Variants in MMP26 observed in about 807,000 individuals in gnomAD.
MMP26 encodes the protein matrix metallopeptidase 26.
A neutral mutation model predicts 31.0 loss-of-function variants in MMP26; 33 were observed. The observed-to-expected ratio is 1.06, with a 90% CI of 0.81 to 1.42. The LOEUF is 1.42. Ranked by LOEUF, MMP26 falls within the 40% of genes most tolerant of loss-of-function variation. The pLI, the probability that MMP26 is intolerant of heterozygous loss-of-function variation, is 0.00. For missense variants in MMP26, 347 were observed against 316.1 expected, an observed-to-expected ratio of 1.10 and a Z score of -0.74; for synonymous variants, 122 against 114.9, an observed-to-expected ratio of 1.06 and a Z score of -0.40.
chr11:4,816,587 A>T (rs941569212), intron 2 of MMP26, among the ~76,000 whole-genome samples: 1 of 151,570 alleles, frequency 6.6e-6, no homozygotes, highest in African/African-American at 2.4e-5. Context: ...ACAACATAAA[A>T]GTTCTTCCAG....
At chr11:4,753,566 A>G (rs996212762) in intron 1 of MMP26, among the ~76,000 whole-genome samples, 6 of 151,880 alleles carry the variant, frequency 4.0e-5, no homozygotes, top group African/African-American at 1.5e-4. Context: ...TTGTCACTTG[A>G]TTTTCCTTTA....
chr11:4,740,128 A>T (rs747582298), intron 1 of MMP26, among the ~76,000 whole-genome samples: 2 of 152,126 alleles, frequency 1.3e-5, no homozygotes, highest in Admixed American at 6.6e-5. Context: ...TCAGTTTATC[A>T]TTCAGTTTCC....
intron 2 of MMP26, chr11:4,915,368 T>C (rs777750855): frequency 3.1e-6 from 5 of 1,613,998 alleles, no homozygotes; most frequent in Non-Finnish European, 4.2e-6. Context: ...GCAGGCATCA[T>C]GGCTAATTTC....
chr11:4,979,587 G>A (rs998675130), intron 2 of MMP26, among the ~76,000 whole-genome samples: 4 of 152,222 alleles, frequency 2.6e-5, no homozygotes, highest in East Asian at 3.9e-4. Flanking sequence ...GCCTCCAAAT[G>A]TCTGGGGCTA....
chr11:4,864,273 A>T (rs920142497), intron 2 of MMP26, among the ~76,000 whole-genome samples: 5 of 152,130 alleles, frequency 3.3e-5, no homozygotes, highest in African/African-American at 1.2e-4. Context: ...CTCTGTAAGG[A>T]TGTTTTGCAT....
intron 2 of MMP26, among the ~76,000 whole-genome samples, chr11:4,784,402 A>T (rs1848906952): frequency 6.6e-6 from 1 of 152,200 alleles, no homozygotes; most frequent in Admixed American, 6.5e-5. Context: ...AATCTTTGGT[A>T]CCTGTGAATA....
At chr11:4,842,311 G>A (rs1849807417) in intron 2 of MMP26, among the ~76,000 whole-genome samples, 1 of 152,132 alleles carries the variant, frequency 6.6e-6, no homozygotes, top group African/African-American at 2.4e-5. Context: ...AAAGCCTCAT[G>A]GTATATTAGT....
chr11:4,795,081 A>G (rs1303342979), intron 2 of MMP26: 1 of 152,232 alleles, frequency 6.6e-6, no homozygotes, highest in African/African-American at 2.4e-5. Flanking sequence ...CAATAAAAGG[A>G]TAATGTCTTA....
chr11:4,987,612 G>T (rs151152779), intron 2 of MMP26, among the ~76,000 whole-genome samples: 5 of 151,802 alleles, frequency 3.3e-5, no homozygotes, highest in Admixed American at 1.3e-4. Flanking sequence ...TAGAGACGGG[G>T]TTTCACCGTG....
chr11:4,741,613 A>G (rs1589888335), intron 1 of MMP26, among the ~76,000 whole-genome samples: 1 of 139,832 alleles, frequency 7.2e-6, no homozygotes, highest in Non-Finnish European at 1.6e-5. Context: ...ACACATGGAC[A>G]CAGGGAGGGG....
chr11:4,773,961 A>G (rs1229328559), intron 2 of MMP26, among the ~76,000 whole-genome samples: 3 of 152,166 alleles, frequency 2.0e-5, no homozygotes, highest in Non-Finnish European at 4.4e-5. Flanking sequence ...CCTGAAAAGA[A>G]CATGATCTCA....
intron 2 of MMP26, among the ~76,000 whole-genome samples, chr11:4,831,161 G>C (rs543953351): frequency 2.0e-5 from 3 of 152,064 alleles, no homozygotes; most frequent in Admixed American, 6.6e-5. Flanking sequence ...CTAGCTGAAT[G>C]CAATCTCCTC....
intron 2 of MMP26, among the ~76,000 whole-genome samples, chr11:4,891,613 A>G (rs1850623968): frequency 1.3e-5 from 2 of 152,212 alleles, no homozygotes; most frequent in African/African-American, 4.8e-5. Context: ...AGGACATAAC[A>G]AATGCCATGT....
At chr11:4,821,584 C>A (rs767334812) in intron 2 of MMP26, 2 of 1,613,416 alleles carry the variant, frequency 1.2e-6, no homozygotes, top group South Asian at 2.2e-5. Flanking sequence ...CCTCTGTGAA[C>A]GGAGCCTCCA....
intron 2 of MMP26, among the ~76,000 whole-genome samples, chr11:4,768,751 G>T (rs1384014329): frequency 6.6e-6 from 1 of 152,126 alleles, no homozygotes; most frequent in African/African-American, 2.4e-5. Flanking sequence ...ATTGCCAGGA[G>T]TATTATTTAT....
rs1412707795 is a variant in MMP26, at chr11:4,790,554, G to A, written c.-145+23213G>A. Among the ~76,000 whole-genome samples, 4 of 152,134 alleles carry A rather than the reference G, an allele frequency of 2.6e-5. No homozygotes were observed. The East Asian group carries it at 7.7e-4, about 29-fold the overall frequency. On this transcript the variant is annotated intron_variant, in intron 2 of 7. Coordinates refer to ENST00000380390, the MANE Select transcript of MMP26 (RefSeq NM_021801.5). Reference sequence around the variant, plus strand: ...GGTATGTAATTGCTATTTGGAGGAAGACATAAGTACTGGCAATTGTATGAG... The same window carrying A: ...GGTATGTAATTGCTATTTGGAGGAAAACATAAGTACTGGCAATTGTATGAG...
intron 2 of MMP26, chr11:4,946,287 G>A (rs764113386): frequency 1.2e-6 from 2 of 1,613,770 alleles, no homozygotes; most frequent in African/African-American, 2.7e-5. Context: ...ACATTAATGA[G>A]GGGAGAGACA....
intron 2 of MMP26, among the ~76,000 whole-genome samples, chr11:4,784,973 A>G (rs931440107): frequency 2.6e-5 from 4 of 152,222 alleles, no homozygotes; most frequent in Non-Finnish European, 5.9e-5. Context: ...ACAAAACATC[A>G]ATTTTGCCAG....
intron 1 of MMP26, among the ~76,000 whole-genome samples, chr11:4,739,172 G>T (rs1848280850): frequency 6.6e-6 from 1 of 152,064 alleles, no homozygotes; most frequent in Non-Finnish European, 1.5e-5. Context: ...TCCCTTTCTA[G>T]CCCAATATTG....
Sources: gnomAD v4.1 joint callset for allele counts (sites outside exome capture counted in the v4.1 genomes callset) on GRCh38, gnomAD v4.1.1 for gene constraint, MANE v1.5 for transcripts, NCBI Gene and HGNC (gene_info 2026-07-23, HGNC 2026-07-21) for gene names.